Variants in MMS19 observed in about 807,000 individuals in gnomAD.
The protein encoded by MMS19 is MMS19 nucleotide excision repair protein homolog.
In MMS19, 77 loss-of-function variants were observed where a neutral mutation model predicts 129.8. The ratio of observed to expected loss-of-function variants is 0.59; its 90% CI spans 0.49 to 0.72. MMS19 has a LOEUF of 0.72. Ranked by LOEUF, MMS19 falls within the 30% of genes least tolerant of loss-of-function variation. The pLI is 0.00. For synonymous variants in MMS19, 491 were observed against 502.8 expected (o/e 0.98, Z 0.31); for missense variants, 1,168 against 1,266.3 (o/e 0.92, Z 1.18).
intron 13 of MMS19, 104 bp from the exon 14 acceptor site, chr10:97,467,687 G>A: frequency 1.8e-6 from 2 of 1,092,488 alleles, no homozygotes; most frequent in East Asian, 2.5e-5. Context: ...AAGAGATGGG[G>A]GTTTTGCTAT....
At chr10:97,494,999 C>T (rs1165423311) in intron 1 of MMS19, among the ~76,000 whole-genome samples, 2 of 152,206 alleles carry the variant, frequency 1.3e-5, no homozygotes, top group Non-Finnish European at 2.9e-5. Context: ...CCACTAAATA[C>T]ATGAGTGGTT....
chr10:97,470,886 G>A, intron 8 of MMS19, 25 bp from the exon 9 acceptor site: 1 of 1,608,884 alleles, frequency 6.2e-7, no homozygotes. Context: ...AGGGCTGTGG[G>A]TTTGTGTAAC....
chr10:97,481,146 G>A (rs34001962), intron 2 of MMS19, 104 bp from the exon 3 acceptor site: 302 of 764,018 alleles, frequency 4.0e-4, no homozygotes, highest in Non-Finnish European at 6.2e-4. Flanking sequence ...CATGGAAGCA[G>A]AGCCAAGCCC....
chr10:97,477,432 G>A lies in MMS19; in HGVS notation c.424-16C>T, dbSNP rs112716570. The A allele has an allele frequency of 1.2e-6, 2 of 1,613,804 alleles. No homozygotes were observed. The highest frequency in any genetic ancestry group is 1.7e-6 in the Non-Finnish European group (2 of 1,179,860). ...GTGGCAGGGACTTGGGGGTGGGGGA[G>A]AAAGAAGTGAAGAAAATGCTCAAAG... On this transcript the variant is annotated splice_polypyrimidine_tract_variant and intron_variant, in intron 5 of 30. Coordinates refer to ENST00000438925, the MANE Select transcript of MMS19 (RefSeq NM_022362.5).
chr10:97,477,013 G>A (rs933289288), intron 6 of MMS19, 50 bp from the exon 7 acceptor site: 2 of 1,609,946 alleles, frequency 1.2e-6, no homozygotes, highest in Admixed American at 1.7e-5. Context: ...CACAGAAAGT[G>A]TGGGCTTTCT....
chr10:97,460,177 G>A lies in MMS19; in HGVS notation c.2525C>T (p.Ser842Phe), dbSNP rs767967788. The A allele has an allele frequency of 6.2e-7, 1 of 1,613,896 alleles. No homozygotes were observed. The highest frequency in any genetic ancestry group is 1.3e-5 in the African/African-American group (1 of 74,950). Reference protein sequence around the residue: ...ELGPAAADGFSLLMSDCTDVL... With the variant: ...ELGPAAADGFFLLMSDCTDVL... ...ATCAGTGCAGTCAGACATGAGCAGA[G>A]AGAAGCCATCAGCTGCTGCTGGACC... Residue 842 changes from serine to phenylalanine, a missense_variant, in exon 26 of 31, where the codon TCT becomes TTT. Coordinates refer to ENST00000438925, the MANE Select transcript of MMS19 (RefSeq NM_022362.5).
Position 97,480,965 on chromosome 10 carries a change from T to C in MMS19, c.239A>G (p.His80Arg). The C allele has an allele frequency of 6.2e-7, 1 of 1,608,864 alleles. No homozygotes were observed. The highest frequency in any genetic ancestry group is 8.5e-7 in the Non-Finnish European group (1 of 1,177,210). Residue 80 changes from histidine (H) to arginine (R), a missense_variant, in exon 3 of 31, where the codon CAC becomes CGC. Around this residue, in one of 3 missense-constraint regions of MMS19, gnomAD observed 329 missense variants for 328.6 expected, o/e 1.00. Transcript: ENST00000438925. Reference sequence around the variant, plus strand: ...ACCTTCCTTCTCCAGGAGCAAGGTGTGACAGTGGAGTAGCACCTGTGACAA... The same window carrying C: ...ACCTTCCTTCTCCAGGAGCAAGGTGCGACAGTGGAGTAGCACCTGTGACAA... Reference protein sequence around the residue: ...QLLSQVLLHCHTLLLEKEVVH... With the variant: ...QLLSQVLLHCRTLLLEKEVVH...
chr10:97,468,530 T>C, intron 12 of MMS19, 124 bp from the exon 13 acceptor site: 2 of 960,862 alleles, frequency 2.1e-6, no homozygotes, highest in Non-Finnish European at 2.9e-6. Context: ...TCAAATTGTT[T>C]TCAATTCAAA....
chr10:97,492,583 TCA>T (rs1282538667), intron 1 of MMS19, among the ~76,000 whole-genome samples: 1 of 151,608 alleles, frequency 6.6e-6, no homozygotes, highest in Non-Finnish European at 1.5e-5. Flanking sequence ...GCATGGTGGC[TCA>T]CACCTGTAAT....
Position 97,473,591 on chromosome 10 carries a change from A to G in MMS19, c.685-2730T>C, listed in dbSNP as rs28987118. Among the ~76,000 whole-genome samples, 953 of 151,570 alleles carry G rather than the reference A, an allele frequency of 6.3e-3. 11 individuals are homozygous for G. The highest frequency in any genetic ancestry group is 0.022 in the African/African-American group (899 of 41,282). Reference sequence around the variant, plus strand: ...GACGGTGAAGGAAGAACCAATATCTACTCTGCATTAGGAGTAAAAATCAAC... The same window carrying G: ...GACGGTGAAGGAAGAACCAATATCTGCTCTGCATTAGGAGTAAAAATCAAC... On this transcript the variant is annotated intron_variant, in intron 8 of 30. Coordinates refer to ENST00000438925, the MANE Select transcript of MMS19 (RefSeq NM_022362.5).
intron 2 of MMS19, among the ~76,000 whole-genome samples, chr10:97,482,733 TATATAC>T (rs749742188): frequency 2.1e-4 from 24 of 114,334 alleles, no homozygotes; most frequent in East Asian, 1.5e-3. Flanking sequence ...TGTGTGTATA[TATATAC>T]ACACACACAC....
chr10:97,476,171 C>A (rs1564661703), intron 8 of MMS19, among the ~76,000 whole-genome samples: 1 of 152,204 alleles, frequency 6.6e-6, no homozygotes, highest in East Asian at 1.9e-4. Context: ...GAGCAAATAC[C>A]TTCTGTACAC....
rs748513092 is a variant in MMS19, at chr10:97,481,042, C to T, written c.162G>A (p.Gly54=). Residue 54 remains glycine (G), a splice_region_variant and synonymous_variant, in exon 3 of 31, where the codon GGG becomes GGA. Transcript: ENST00000438925. ...GGGGTTCTGGATTCTCTAGAGAGGA[C>T]CTAGGGGAAAACAGGATAGAGAGAA... ...YTVLQVVEAL[G]SSLENPEPRT... 7.0e-6 allele frequency: 11 copies of T among 1,575,570 alleles called. No homozygotes were observed. The Admixed American group carries it at 1.7e-4, about 25-fold the overall frequency.
At chr10:97,496,648 G>A (rs756314536) in intron 1 of MMS19, among the ~76,000 whole-genome samples, 8 of 151,816 alleles carry the variant, frequency 5.3e-5, no homozygotes, top group African/African-American at 1.7e-4. Context: ...TTTTCGTATC[G>A]CATAAATGTG....
intron 1 of MMS19, among the ~76,000 whole-genome samples, chr10:97,496,436 G>C (rs759422479): frequency 1.3e-4 from 20 of 149,332 alleles, no homozygotes; most frequent in Admixed American, 6.1e-4. Context: ...GATTGCTTGA[G>C]CATAGGTCGA....
At chr10:97,482,589 T>C (rs2036991658) in intron 2 of MMS19, among the ~76,000 whole-genome samples, 1 of 152,086 alleles carries the variant, frequency 6.6e-6, no homozygotes, top group South Asian at 2.1e-4. Flanking sequence ...AATGAAAATG[T>C]CCTCAAAATG....
At chr10:97,488,858 G>A (rs943412037) in intron 1 of MMS19, among the ~76,000 whole-genome samples, 2 of 152,166 alleles carry the variant, frequency 1.3e-5, no homozygotes, top group South Asian at 2.1e-4. Context: ...GTAAATGACT[G>A]CAAACAACAC....
At chr10:97,494,347 A>C (rs2039442378) in intron 1 of MMS19, among the ~76,000 whole-genome samples, 2 of 152,202 alleles carry the variant, frequency 1.3e-5, no homozygotes, top group Admixed American at 1.3e-4. Context: ...ATGCACAAAC[A>C]GATCTCTGTC....
At chr10:97,468,889 G>T in intron 12 of MMS19, 77 bp downstream of exon 12, 1 of 1,480,772 alleles carries the variant, frequency 6.8e-7, no homozygotes. Context: ...GATTACAGGC[G>T]TGAGCCACCG....
Sources: gnomAD v4.1 joint callset for allele counts (sites outside exome capture counted in the v4.1 genomes callset) on GRCh38, gnomAD v4.1.1 for gene constraint, gnomAD v4.1.1 regional missense constraint, MANE v1.5 for transcripts, NCBI Gene and HGNC (gene_info 2026-07-23, HGNC 2026-07-21) for gene names.